The following ZHX3 variants were observed in gnomAD, a reference collection of about 807,000 sequenced individuals.
ZHX3 encodes the protein zinc fingers and homeoboxes protein 3.
A neutral mutation model predicts 64.5 loss-of-function variants in ZHX3; 20 were observed. That is an observed-to-expected ratio of 0.31 (90% CI 0.22 to 0.45). ZHX3 has a LOEUF of 0.45. ZHX3 is among the 20% of genes least tolerant of loss of function. The probability of loss-of-function intolerance (pLI) is 1.00; values close to 1 mark genes in which losing one functional copy is unlikely to be tolerated. For synonymous variants in ZHX3, 423 were observed against 461.6 expected (o/e 0.92, Z 1.07); for missense variants, 1,041 against 1,195.8 (o/e 0.87, Z 1.91).
rs142446054 is a variant in ZHX3 at position 41,220,763 on chromosome 20, G to A, written c.-150-15697C>T. Reference sequence around the variant, plus strand: ...GGCTGGAGTGCAGTGGTACAATCACGGCTCTCTGCAGCCTCGACCTCCCAG... The same window carrying A: ...GGCTGGAGTGCAGTGGTACAATCACAGCTCTCTGCAGCCTCGACCTCCCAG... On this transcript the variant is annotated intron_variant, in intron 2 of 3. Transcript: ENST00000683867. 6.9e-3 allele frequency among the ~76,000 whole-genome samples: 1,041 copies of A among 151,822 alleles called. 13 individuals carry two copies. The highest frequency in any genetic ancestry group is 0.024 in the African/African-American group (996 of 41,396).
At chr20:41,302,579 A>C (rs554006245) in intron 1 of ZHX3, among the ~76,000 whole-genome samples, 1 of 152,310 alleles carries the variant, frequency 6.6e-6, no homozygotes, top group Non-Finnish European at 1.5e-5. Flanking sequence ...ATAAACACCC[A>C]CACACACCCA....
In ZHX3 at chr20:41,228,738, CA is replaced by C. The variant is rs1333740491; in HGVS notation, c.-150-23673del. 6.6e-6 allele frequency among the ~76,000 whole-genome samples: 1 copy of C among 152,202 alleles called. No homozygotes were observed. Among genetic ancestry groups the C allele is most frequent in the East Asian group, 1.9e-4 (1 of 5,200 alleles). Reference sequence around the variant, plus strand: ...TTCAACACGTGAATTTTAGGAGATACATTCAGTCCACTGCACCATACATCCA... The same window carrying C: ...TTCAACACGTGAATTTTAGGAGATACTTCAGTCCACTGCACCATACATCCA... On this transcript the variant is annotated intron_variant, in intron 2 of 3. Transcript: ENST00000683867. This position sits in a 1 kb window ranked among gnomAD's most constrained non-coding sequence, Gnocchi z 4.6.
chr20:41,300,199 G>A (rs1212664027), intron 1 of ZHX3: 1 of 152,198 alleles, frequency 6.6e-6, no homozygotes, highest in East Asian at 1.9e-4. Flanking sequence ...CATGTAACAG[G>A]CTTTGGGATG....
At position 41,202,577 on chromosome 20, in the gene ZHX3, C is replaced by T. The variant is rs764771709; in HGVS notation, c.2340G>A (p.Arg780=). The T allele has an allele frequency of 1.7e-5, 27 of 1,613,922 alleles. No homozygotes were observed. In the Admixed American group the frequency reaches 3.0e-4, roughly 18 times the overall value. ...KKTAQQRHLL[R]QLFVQTQWPS... ...GCCACTGTGTCTGGACAAAGAGCTGCCGCAGCAAGTGCCGCTGCTGGGCAG... is the reference window on the plus strand; with the variant it reads ...GCCACTGTGTCTGGACAAAGAGCTGTCGCAGCAAGTGCCGCTGCTGGGCAG... The change falls in exon 3 of 4, where the codon CGG becomes CGA. Residue 780 remains arginine (R), a synonymous_variant. Transcript: ENST00000683867. This position sits in a 1 kb window ranked among gnomAD's most constrained non-coding sequence, Gnocchi z 7.0.
rs561864056 is a variant in ZHX3 at position 41,232,619 on chromosome 20, T to A, written c.-150-27553A>T. Among the ~76,000 whole-genome samples, 1 of 151,978 alleles carries A rather than the reference T, an allele frequency of 6.6e-6. No homozygotes were observed. The highest frequency in any genetic ancestry group is 1.9e-4 in the East Asian group (1 of 5,154). On this transcript the variant is annotated intron_variant, in intron 2 of 3. Transcript: ENST00000683867. The surrounding 1 kb of genome is among the most constrained non-coding windows in gnomAD (Gnocchi z 5.0). ...TTCTTCTTTTTTTTTTGAGACGGAG[T>A]CTCGCTGTCGCCCAGGCTGGAGTGC...
chr20:41,243,837 C>G (rs189246099), intron 2 of ZHX3, among the ~76,000 whole-genome samples: 5 of 151,966 alleles, frequency 3.3e-5, no homozygotes, highest in African/African-American at 9.7e-5. Flanking sequence ...GTTTAGAAAC[C>G]CTATGACGAG....
intron 2 of ZHX3, among the ~76,000 whole-genome samples, chr20:41,255,161 A>T (rs6093459): frequency 0.09 from 13,663 of 151,842 alleles, 2,052 homozygotes; most frequent in African/African-American, 0.31. Flanking sequence ...ATATATATAT[A>T]TTTTTTTTGA....
chr20:41,308,691 T>A (rs1483582385), intron 1 of ZHX3, among the ~76,000 whole-genome samples: 1 of 152,176 alleles, frequency 6.6e-6, no homozygotes, highest in African/African-American at 2.4e-5. Flanking sequence ...TTTTGCAGGA[T>A]TCCTCTCCTT....
rs977850455 is a variant in ZHX3, at chr20:41,179,461, G to A, written c.*5730C>T. The A allele has an allele frequency of 6.6e-6, 1 of 152,144 alleles. No individual in the cohort carries two copies. The highest frequency in any genetic ancestry group is 2.4e-5 in the African/African-American group (1 of 41,410). The allele number at this position is 152,144 out of a possible 1,614,324, so 9.4% of individuals were successfully genotyped here. A position where few individuals can be genotyped will look rare whatever the true frequency, so the allele number is the denominator to read the frequency against. ...AACAGTATGGGCAGGAACCAGGGATGAGTGACAAGATCTCCCTAAACAAAT... is the reference window on the plus strand; with the variant it reads ...AACAGTATGGGCAGGAACCAGGGATAAGTGACAAGATCTCCCTAAACAAAT... On this transcript the variant is annotated 3_prime_UTR_variant, in exon 4 of 4. Coordinates refer to ENST00000683867, the MANE Select transcript of ZHX3 (RefSeq NM_001384317.1). This position sits in a 1 kb window ranked among gnomAD's most constrained non-coding sequence, Gnocchi z 4.3.
intron 1 of ZHX3, among the ~76,000 whole-genome samples, chr20:41,283,332 C>T (rs2043784187): frequency 6.6e-6 from 1 of 152,140 alleles, no homozygotes; most frequent in Admixed American, 6.5e-5. Flanking sequence ...TAGAGCTTCC[C>T]AAAGTCCATA....
chr20:41,314,310 T>C (rs1490024097), intron 1 of ZHX3, among the ~76,000 whole-genome samples: 1 of 152,148 alleles, frequency 6.6e-6, no homozygotes, highest in Non-Finnish European at 1.5e-5. Flanking sequence ...GGATTTATTT[T>C]AAAATGTTAA....
chr20:41,262,166 T>C (rs1411710296), intron 2 of ZHX3, among the ~76,000 whole-genome samples: 1 of 152,210 alleles, frequency 6.6e-6, no homozygotes. Context: ...TCTCACCTCT[T>C]ATCTGGACAA....
chr20:41,315,020 T>C (rs2045246131), intron 1 of ZHX3, among the ~76,000 whole-genome samples: 1 of 152,174 alleles, frequency 6.6e-6, no homozygotes, highest in Non-Finnish European at 1.5e-5. Context: ...CAAGGCAGGA[T>C]AAGAACAACA....
chr20:41,204,393 C>G lies in ZHX3; in HGVS notation c.524G>C (p.Gly175Ala). ...AGEPSAEGAD[G>A]QAEIIITKTP... is the part of the protein sequence containing the mutation. ...TTTGGTAATGATGATTTCTGCCTGT[C>G]CATCAGCCCCTTCAGCACTGGGCTC... is the stretch of plus-strand genomic sequence containing the variant. Residue 175 changes from glycine to alanine, a missense_variant, in exon 3 of 4, where the codon GGA becomes GCA. This residue lies in a region of ZHX3 where 358 missense variants were observed against 369.1 expected (regional missense o/e 0.97). Transcript: ENST00000683867. This position sits in a 1 kb window ranked among gnomAD's most constrained non-coding sequence, Gnocchi z 6.6. 2 of 1,614,208 alleles carry G rather than the reference C, an allele frequency of 1.2e-6. No individual in the cohort carries two copies. Among genetic ancestry groups the G allele is most frequent in the Non-Finnish European group, 1.7e-6 (2 of 1,180,046 alleles).
rs1158204115 is a variant in ZHX3, at chr20:41,203,744, T to C, written c.1173A>G (p.Leu391=). 2 of 1,614,058 alleles carry C rather than the reference T, an allele frequency of 1.2e-6. No homozygotes were observed. Among genetic ancestry groups the C allele is most frequent in the African/African-American group, 2.7e-5 (2 of 74,918 alleles). ...CAGCACTGGCGACGAGTGGGGTATT[T>C]AGAACCGTAATTGTGGGCTGAGGCA... The part of the protein sequence containing the change: ...QSVPQPTITV[L]NTPLVASAGN... The change falls in exon 3 of 4, where the codon CTA becomes CTG. Residue 391 remains leucine, a synonymous_variant. Transcript: ENST00000683867. This position sits in a 1 kb window ranked among gnomAD's most constrained non-coding sequence, Gnocchi z 7.1.
intron 1 of ZHX3, among the ~76,000 whole-genome samples, chr20:41,283,457 C>T (rs1204565643): frequency 6.6e-6 from 1 of 152,114 alleles, no homozygotes; most frequent in Non-Finnish European, 1.5e-5. Context: ...AGTCACTGAA[C>T]ATTAACATCA....
chr20:41,221,614 C>CA (rs1033941059), intron 2 of ZHX3, among the ~76,000 whole-genome samples: 2 of 152,024 alleles, frequency 1.3e-5, no homozygotes, highest in Non-Finnish European at 2.9e-5. Context: ...TGTGTCAGAG[C>CA]AAAAAGTGGA....
chr20:41,197,390 A>T (rs1294885510), intron 3 of ZHX3, among the ~76,000 whole-genome samples: 2 of 146,824 alleles, frequency 1.4e-5, no homozygotes, highest in African/African-American at 4.9e-5. Flanking sequence ...ATATATTTTA[A>T]ATATATTTTA....
At chr20:41,298,713 C>T (rs2044660329) in intron 1 of ZHX3, among the ~76,000 whole-genome samples, 1 of 152,072 alleles carries the variant, frequency 6.6e-6, no homozygotes, top group Non-Finnish European at 1.5e-5. Context: ...GCTAACAAAA[C>T]CTCAGGATAA....
Sources: allele counts gnomAD v4.1 joint callset (sites outside exome capture counted in the v4.1 genomes callset), GRCh38; gene constraint gnomAD v4.1.1; regional missense constraint gnomAD v4.1.1; non-coding constraint Gnocchi (gnomAD v3.1); transcripts MANE v1.5; gene names NCBI Gene and HGNC (gene_info 2026-07-23, HGNC 2026-07-21).